PPP1R21: variants seen among roughly 807,000 people sequenced by gnomAD.
The protein encoded by PPP1R21 is KLRAQ motif containing 1.
PPP1R21 carries 85 observed loss-of-function variants against 112.8 expected under a neutral mutation model. That is an observed-to-expected ratio of 0.75 (90% CI 0.63 to 0.90). The LOEUF is 0.90. Ranked by LOEUF, PPP1R21 falls within the 40% of genes least tolerant of loss-of-function variation. The pLI is 0.00. For missense variants in PPP1R21, 1,199 were observed against 901.5 expected (o/e 1.33, Z -4.23); for synonymous variants, 381 against 322.3 (o/e 1.18, Z -1.95).
intron 14 of PPP1R21, among the ~76,000 whole-genome samples, chr2:48,489,280 A>G (rs11682053): frequency 6.6e-6 from 1 of 152,096 alleles, no homozygotes; most frequent in Admixed American, 6.5e-5. Flanking sequence ...GGGAGTATTT[A>G]TTGCTTGAGC....
rs1369752910 is a variant in PPP1R21 at position 48,440,787 on chromosome 2, G to C, written c.-167G>C. 2 of 621,458 alleles carry C rather than the reference G, an allele frequency of 3.2e-6. No homozygotes were observed. The highest frequency in any genetic ancestry group is 1.9e-5 in the African/African-American group (1 of 51,310). The allele number at this position is 621,458 out of a possible 1,614,324, so 38.5% of individuals were successfully genotyped here. ...CCCCACTCCACCTTCCTCCCACCCC[G>C]GGAACCCGGAAGTGGAGGAGGAGGC... is the stretch of plus-strand genomic sequence containing the variant. On this transcript the variant is annotated 5_prime_UTR_variant, in exon 1 of 22. Coordinates refer to ENST00000294952, the MANE Select transcript of PPP1R21 (RefSeq NM_001135629.3).
At position 48,498,698 on chromosome 2, in the gene PPP1R21, C is replaced by T. The variant is rs1669962640; in HGVS notation, c.1898C>T (p.Ala633Val). 1 of 1,614,210 alleles carries T rather than the reference C, an allele frequency of 6.2e-7. No individual in the cohort carries two copies. Among genetic ancestry groups the T allele is most frequent in the Non-Finnish European group, 8.5e-7 (1 of 1,180,032 alleles). ...ACTGCTGGCCAGGATGAAGCCACAG[C>T]TAAGGCTGTGTTGGAGCCCATTCAG... ...SNTAGQDEAT[A>V]KAVLEPIQST... Residue 633 changes from alanine (A) to valine (V), a missense_variant, in exon 17 of 22, where the codon GCT (alanine) becomes GTT (valine). Ala to Val is a moderately conservative substitution (Grantham distance 64). Coordinates refer to ENST00000294952, the MANE Select transcript of PPP1R21 (RefSeq NM_001135629.3).
chr2:48,483,551 A>G (rs1669132124), intron 13 of PPP1R21, among the ~76,000 whole-genome samples: 1 of 152,208 alleles, frequency 6.6e-6, no homozygotes, highest in Admixed American at 6.5e-5. Flanking sequence ...AAACAGCACA[A>G]AGCATAAAGC....
intron 13 of PPP1R21, among the ~76,000 whole-genome samples, chr2:48,481,163 A>G (rs903881965): frequency 3.9e-5 from 6 of 152,034 alleles, no homozygotes; most frequent in African/African-American, 1.4e-4. Flanking sequence ...TAATTTTTGT[A>G]TTTTTAGTAG....
chr2:48,454,409 T>G, intron 2 of PPP1R21, 186 bp from the exon 3 acceptor site: 1 of 640,204 alleles, frequency 1.6e-6, no homozygotes, highest in Non-Finnish European at 2.7e-6. Flanking sequence ...TTTACTTGGT[T>G]TAGCCAAAAG....
chr2:48,458,503 T>C (rs1667822991), intron 4 of PPP1R21, among the ~76,000 whole-genome samples: 1 of 152,088 alleles, frequency 6.6e-6, no homozygotes, highest in Non-Finnish European at 1.5e-5. Context: ...ATTCATTTTA[T>C]ATGGGAAGTG....
intron 9 of PPP1R21, among the ~76,000 whole-genome samples, chr2:48,470,086 A>G (rs1157431864): frequency 2.6e-5 from 4 of 152,202 alleles, no homozygotes; most frequent in African/African-American, 9.7e-5. Context: ...ATGTAACATT[A>G]GATAATTGAG....
chr2:48,480,371 A>G (rs1484625585), intron 13 of PPP1R21, among the ~76,000 whole-genome samples: 1 of 152,204 alleles, frequency 6.6e-6, no homozygotes, highest in African/African-American at 2.4e-5. Flanking sequence ...AGCACAAAGG[A>G]ATTGAGGAAA....
At chr2:48,468,831 G>A (rs1356894218) in intron 9 of PPP1R21, among the ~76,000 whole-genome samples, 1 of 109,588 alleles carries the variant, frequency 9.1e-6, no homozygotes, top group Non-Finnish European at 2.0e-5. Context: ...AAAAATGTAT[G>A]TGTGTGTGTG....
At chr2:48,445,753 A>G (rs1294431075) in intron 1 of PPP1R21, among the ~76,000 whole-genome samples, 2 of 152,212 alleles carry the variant, frequency 1.3e-5, no homozygotes, top group Non-Finnish European at 2.9e-5. Context: ...GGCAGATGTG[A>G]GTTTTTTCCT....
chr2:48,477,462 G>T (rs1668809918), intron 12 of PPP1R21, among the ~76,000 whole-genome samples: 1 of 152,120 alleles, frequency 6.6e-6, no homozygotes, highest in Non-Finnish European at 1.5e-5. Context: ...CTATGCAGTT[G>T]TCCCTGCACC....
At chr2:48,442,603 C>G (rs143245549) in intron 1 of PPP1R21, among the ~76,000 whole-genome samples, 47 of 152,254 alleles carry the variant, frequency 3.1e-4, no homozygotes, top group African/African-American at 1.1e-3. Context: ...TAACGTAGTA[C>G]ATAGTTATGA....
At chr2:48,502,923 G>C (rs954624895) in intron 17 of PPP1R21, among the ~76,000 whole-genome samples, 1 of 151,802 alleles carries the variant, frequency 6.6e-6, no homozygotes, top group Non-Finnish European at 1.5e-5. Flanking sequence ...CTTGTGATCC[G>C]CCCACCTCGG....
intron 18 of PPP1R21, among the ~76,000 whole-genome samples, chr2:48,505,977 C>G (rs1359263711): frequency 6.6e-6 from 1 of 152,166 alleles, no homozygotes; most frequent in African/African-American, 2.4e-5. Flanking sequence ...AGGGCCTTGA[C>G]CAAGTACAGT....
In PPP1R21 at chr2:48,475,067, G is replaced by A. The variant is rs771350420; in HGVS notation, c.1225+248G>A. On this transcript the variant is annotated intron_variant, in intron 12 of 21. Coordinates refer to ENST00000294952, the MANE Select transcript of PPP1R21 (RefSeq NM_001135629.3). ...GTGATTATTGAGTTAAATTAAGAACGTACGGCCAGGCTGGGTGACTCACAC... is the reference window on the plus strand; with the variant it reads ...GTGATTATTGAGTTAAATTAAGAACATACGGCCAGGCTGGGTGACTCACAC... Among the ~76,000 whole-genome samples the A allele has an allele frequency of 1.2e-4, 18 of 152,104 alleles. 1 individual carries two copies. The highest frequency in any genetic ancestry group is 2.2e-4 in the Non-Finnish European group (15 of 68,034).
intron 17 of PPP1R21, among the ~76,000 whole-genome samples, chr2:48,504,663 A>C (rs1006704626): frequency 2.6e-5 from 4 of 152,034 alleles, no homozygotes; most frequent in Admixed American, 1.3e-4. Flanking sequence ...ACAAAAAAAA[A>C]CTGTTCATTG....
chr2:48,491,009 T>G lies in PPP1R21; in HGVS notation c.1447-9T>G. ...AACAAAATCTATTTCCTTGTCATAC[T>G]TTGTTTAGATTGCATCCTTCTTCAG... On this transcript the variant is annotated splice_polypyrimidine_tract_variant and intron_variant, in intron 14 of 21. Coordinates refer to ENST00000294952, the MANE Select transcript of PPP1R21 (RefSeq NM_001135629.3). The G allele has an allele frequency of 6.2e-7, 1 of 1,612,302 alleles. No individual in the cohort carries two copies. Among genetic ancestry groups the G allele is most frequent in the Non-Finnish European group, 8.5e-7 (1 of 1,178,384 alleles).
At chr2:48,459,711 T>C (rs937200890) in intron 4 of PPP1R21, 43 bp from the exon 5 acceptor site, 8 of 1,593,732 alleles carry the variant, frequency 5.0e-6, no homozygotes, top group Non-Finnish European at 6.0e-6. Context: ...CATTTATGTA[T>C]ATTAGGATAT....
At chr2:48,497,178 C>G (rs977113588) in intron 16 of PPP1R21, among the ~76,000 whole-genome samples, 5 of 152,184 alleles carry the variant, frequency 3.3e-5, no homozygotes, top group African/African-American at 9.7e-5. Flanking sequence ...CTCACACTAT[C>G]TCCATGTAGA....
Sources: gnomAD v4.1 joint callset for allele counts (sites outside exome capture counted in the v4.1 genomes callset) on GRCh38, gnomAD v4.1.1 for gene constraint, MANE v1.5 for transcripts, NCBI Gene and HGNC (gene_info 2026-07-23, HGNC 2026-07-21) for gene names.